The following DCC variants were observed in gnomAD, a reference collection of about 807,000 sequenced individuals.
DCC encodes DCC netrin 1 receptor.
In DCC, 58 loss-of-function variants were observed where a neutral mutation model predicts 172.5. The observed-to-expected ratio is 0.34, with a 90% CI of 0.27 to 0.42. The LOEUF is 0.42. Ranked by LOEUF, DCC falls within the 10% of genes least tolerant of loss-of-function variation. DCC has a pLI of 1.00. For missense variants in DCC, 1,740 were observed against 1,791.0 expected (o/e 0.97, Z 0.51); for synonymous variants, 709 against 644.5 (o/e 1.10, Z -1.52).
At chr18:52,883,348 TTATGTG>T (rs372587923) in intron 2 of DCC, among the ~76,000 whole-genome samples, 26,290 of 105,994 alleles carry the variant, frequency 0.25, 3,342 homozygotes, top group Admixed American at 0.34. Context: ...ATTTATTTAT[TTATGTG>T]TGTGTGTGTG....
intron 7 of DCC, among the ~76,000 whole-genome samples, chr18:53,078,585 A>G (rs916146137): frequency 2.0e-5 from 3 of 151,984 alleles, no homozygotes; most frequent in African/African-American, 7.3e-5. Context: ...CTAGGTTACA[A>G]TCTAGGTTAA....
At chr18:52,526,527 A>G (rs1044765015) in intron 1 of DCC, among the ~76,000 whole-genome samples, 2 of 151,992 alleles carry the variant, frequency 1.3e-5, no homozygotes, top group Non-Finnish European at 2.9e-5. Flanking sequence ...TGCAGAAACC[A>G]ATAGATTTAA....
At chr18:53,356,850 G>C (rs1019617189) in intron 15 of DCC, among the ~76,000 whole-genome samples, 2 of 152,002 alleles carry the variant, frequency 1.3e-5, no homozygotes, top group African/African-American at 2.4e-5. Context: ...TTCAATTTAG[G>C]GAAACTGCTA....
chr18:52,755,379 C>T (rs1053344433), intron 2 of DCC, among the ~76,000 whole-genome samples: 2 of 152,182 alleles, frequency 1.3e-5, no homozygotes, highest in Admixed American at 6.5e-5. Context: ...AGAGTTCCTT[C>T]GCTGTGAGAT....
At chr18:52,949,595 C>T (rs754624570) in intron 5 of DCC, among the ~76,000 whole-genome samples, 14 of 152,070 alleles carry the variant, frequency 9.2e-5, no homozygotes, top group Non-Finnish European at 1.8e-4. Flanking sequence ...CTCAAATAGC[C>T]CTGAAGATTT....
intron 2 of DCC, among the ~76,000 whole-genome samples, chr18:52,843,505 G>C (rs1350749090): frequency 1.3e-5 from 2 of 152,000 alleles, no homozygotes; most frequent in Non-Finnish European, 2.9e-5. Context: ...AATATAAAAA[G>C]TACTGCATTG....
At chr18:52,482,805 T>A (rs547347279) in intron 1 of DCC, among the ~76,000 whole-genome samples, 9 of 152,280 alleles carry the variant, frequency 5.9e-5, no homozygotes, top group African/African-American at 2.2e-4. Flanking sequence ...TATTTTGTGA[T>A]CTCTCTTCAC....
chr18:53,435,861 G>T (rs2145119539), intron 22 of DCC, among the ~76,000 whole-genome samples: 1 of 152,278 alleles, frequency 6.6e-6, no homozygotes, highest in East Asian at 1.9e-4. Context: ...TAGTTTTGCT[G>T]AAACAAACTT....
intron 5 of DCC, among the ~76,000 whole-genome samples, chr18:52,957,282 T>C (rs1448713280): frequency 6.6e-6 from 1 of 152,102 alleles, no homozygotes; most frequent in Admixed American, 6.6e-5. Context: ...GGAAAACTCA[T>C]AAAATACAAC....
chr18:52,825,050 C>T (rs1314678412), intron 2 of DCC, among the ~76,000 whole-genome samples: 2 of 152,032 alleles, frequency 1.3e-5, no homozygotes, highest in Non-Finnish European at 2.9e-5. Flanking sequence ...AATAGTCAAT[C>T]CTGAAGATAA....
intron 12 of DCC, among the ~76,000 whole-genome samples, chr18:53,259,335 G>C (rs1320517145): frequency 1.3e-5 from 2 of 152,164 alleles, no homozygotes; most frequent in Non-Finnish European, 2.9e-5. Context: ...GGATGTTTTT[G>C]CAGTGTCTGG....
rs533960078 is a variant in DCC at position 52,946,500 on chromosome 18, G to A, written c.985+21130G>A. Among the ~76,000 whole-genome samples, 8 of 152,168 alleles carry A rather than the reference G, an allele frequency of 5.3e-5. No homozygotes were observed. The East Asian group carries it at 1.5e-3, about 29-fold the overall frequency. On this transcript the variant is annotated intron_variant, in intron 5 of 28. Coordinates refer to ENST00000442544, the MANE Select transcript of DCC (RefSeq NM_005215.4). ...TTTTCTCAAGATGATGGGTCTTTGG[G>A]TTGGTGGCAGTTCATCTGGGCTATG...
At position 52,900,259 on chromosome 18, in the gene DCC, G is replaced by C. The variant is rs60609216; in HGVS notation, c.413-5785G>C. On this transcript the variant is annotated intron_variant, in intron 2 of 28. Transcript: ENST00000442544. ...GCATGGGTAGTTAATAAATGTTCTA[G>C]GAACAAATTGGGGTTACGGCTGCTT... 1.2e-3 allele frequency among the ~76,000 whole-genome samples: 185 copies of C among 152,298 alleles called. 1 individual carries two copies. Among genetic ancestry groups the C allele is most frequent in the African/African-American group, 4.2e-3 (175 of 41,560 alleles).
Position 53,386,133 on chromosome 18 carries a change from T to A in DCC, c.2450T>A (p.Ile817Lys). The change falls in exon 16 of 29, where the codon ATA becomes AAA. Residue 817 changes from isoleucine to lysine, a missense_variant. Ile to Lys is a moderately radical substitution (Grantham distance 102). Transcript: ENST00000442544. ...PLYESATTRS[I>K]TDPTDPVDYY... ...TATGAAAGTGCCACCACCAGGTCTATAACCGGTAAGTGAAATTGTTAATCT... is the reference window on the plus strand; with the variant it reads ...TATGAAAGTGCCACCACCAGGTCTAAAACCGGTAAGTGAAATTGTTAATCT... The A allele has an allele frequency of 1.9e-6, 3 of 1,598,400 alleles. No homozygotes were observed. The highest frequency in any genetic ancestry group is 1.7e-6 in the Non-Finnish European group (2 of 1,165,736).
chr18:52,678,301 A>G (rs2035681859), intron 1 of DCC, among the ~76,000 whole-genome samples: 1 of 152,152 alleles, frequency 6.6e-6, no homozygotes, highest in Non-Finnish European at 1.5e-5. Flanking sequence ...GGGATGATCT[A>G]TAATCATTTC....
intron 27 of DCC, among the ~76,000 whole-genome samples, chr18:53,520,399 T>C (rs2046386908): frequency 6.6e-6 from 1 of 152,094 alleles, no homozygotes; most frequent in South Asian, 2.1e-4. Context: ...CATAAAAATG[T>C]TCATTTGGTT....
At chr18:53,104,752 G>A (rs952992370) in intron 7 of DCC, among the ~76,000 whole-genome samples, 1 of 152,022 alleles carries the variant, frequency 6.6e-6, no homozygotes, top group African/African-American at 2.4e-5. Flanking sequence ...AAGCTGCAGA[G>A]TTTGGCCTTG....
At position 53,535,030 on chromosome 18, in the gene DCC, G is replaced by A. The variant is rs2046560031; in HGVS notation, c.*4377G>A. On this transcript the variant is annotated 3_prime_UTR_variant, in exon 29 of 29. Transcript: ENST00000442544. ...GGCATGGGCCAAGGGATCTCACTGTGTGCTGAACATGTATTTTCAGATGCA... is the reference window on the plus strand; with the variant it reads ...GGCATGGGCCAAGGGATCTCACTGTATGCTGAACATGTATTTTCAGATGCA... The A allele has an allele frequency of 6.6e-6, 1 of 152,156 alleles. No homozygotes were observed. The highest frequency in any genetic ancestry group is 2.4e-5 in the African/African-American group (1 of 41,434). The allele number at this position is 152,156 out of a possible 1,614,324, so 9.4% of individuals were successfully genotyped here. A position where few individuals can be genotyped will look rare whatever the true frequency, so the allele number is the denominator to read the frequency against.
At position 52,528,694 on chromosome 18, in the gene DCC, C is replaced by T. The variant is rs573459891; in HGVS notation, c.91+187816C>T. Reference sequence around the variant, plus strand: ...CACAACTCTCCACACTTCTGCTTGTCTGCTCCTACTGTCACTGACTTCTAT... The same window carrying T: ...CACAACTCTCCACACTTCTGCTTGTTTGCTCCTACTGTCACTGACTTCTAT... On this transcript the variant is annotated intron_variant, in intron 1 of 28. Coordinates refer to ENST00000442544, the MANE Select transcript of DCC (RefSeq NM_005215.4). Among the ~76,000 whole-genome samples the T allele has an allele frequency of 2.6e-5, 4 of 152,178 alleles. No homozygotes were observed. In the South Asian group the frequency reaches 8.3e-4, roughly 32 times the overall value.
Sources: allele counts gnomAD v4.1 joint callset (sites outside exome capture counted in the v4.1 genomes callset), GRCh38; gene constraint gnomAD v4.1.1; transcripts MANE v1.5; gene names NCBI Gene and HGNC (gene_info 2026-07-23, HGNC 2026-07-21).